Variants in TRPM8 observed in about 807,000 individuals in gnomAD.
TRPM8 encodes the protein transient receptor potential cation channel subfamily M member 8.
A neutral mutation model predicts 133.7 loss-of-function variants in TRPM8; 110 were observed. That is an observed-to-expected ratio of 0.82 (90% CI 0.70 to 0.96). The LOEUF (loss-of-function observed/expected upper bound fraction) is 0.96, where lower values mean the gene tolerates loss of function less well. TRPM8 is among the 40% of genes least tolerant of loss of function. TRPM8 has a pLI of 0.00. For synonymous variants in TRPM8, 535 were observed against 532.3 expected (o/e 1.01, Z -0.07); for missense variants, 1,291 against 1,379.5 (o/e 0.94, Z 1.02).
rs558947620 is a variant in TRPM8, at chr2:234,019,469, C to T, written c.*2213C>T. 5 of 152,278 alleles carry T rather than the reference C, an allele frequency of 3.3e-5. No individual in the cohort carries two copies. Among genetic ancestry groups the T allele is most frequent in the South Asian group, 2.1e-4 (1 of 4,820 alleles). The allele number at this position is 152,278 out of a possible 1,614,324, so 9.4% of individuals were successfully genotyped here. A position where few individuals can be genotyped will look rare whatever the true frequency, so the allele number is the denominator to read the frequency against. On this transcript the variant is annotated 3_prime_UTR_variant, in exon 26 of 26. Coordinates refer to ENST00000324695, the MANE Select transcript of TRPM8 (RefSeq NM_024080.5). Reference sequence around the variant, plus strand: ...GTGTACTTTTGCACAACTGAGAATCCTGCAGCTTGGTTTAATGAGTGTGTT... The same window carrying T: ...GTGTACTTTTGCACAACTGAGAATCTTGCAGCTTGGTTTAATGAGTGTGTT...
chr2:233,937,070 T>C lies in TRPM8; in HGVS notation c.192-283T>C, dbSNP rs998467016. Among the ~76,000 whole-genome samples, 14 of 151,942 alleles carry C rather than the reference T, an allele frequency of 9.2e-5. 1 individual carries two copies. The highest frequency in any genetic ancestry group is 2.9e-5 in the Non-Finnish European group (2 of 67,962). On this transcript the variant is annotated intron_variant, in intron 3 of 25. Coordinates refer to ENST00000324695, the MANE Select transcript of TRPM8 (RefSeq NM_024080.5). ...TGCCAACATGCCCAGCTGAGTTTTGTATTTTAGCAGAGATGGGGTTTCACC... is the reference window on the plus strand; with the variant it reads ...TGCCAACATGCCCAGCTGAGTTTTGCATTTTAGCAGAGATGGGGTTTCACC...
chr2:233,974,887 CAGAG>C lies in TRPM8; in HGVS notation c.2355+4472_2355+4475del, dbSNP rs368489444. 2.0e-5 allele frequency among the ~76,000 whole-genome samples: 3 copies of C among 149,426 alleles called. No homozygotes were observed. The Admixed American group carries it at 2.0e-4, about 10-fold the overall frequency. On this transcript the variant is annotated intron_variant, in intron 17 of 25. Transcript: ENST00000324695. ...AAATTAGCAGAGAGAGAGAGAGAGA[CAGAG>C]AGAGAGAGAGGCAGAGGAGAGAAAT...
At chr2:233,946,338 A>G in intron 7 of TRPM8, 1 of 245,496 alleles carries the variant, frequency 4.1e-6, no homozygotes, top group East Asian at 8.0e-5. Flanking sequence ...AACAAATACG[A>G]TCTACAATGA....
chr2:233,969,524 T>C (rs997763631), intron 15 of TRPM8, among the ~76,000 whole-genome samples, 171 bp from the exon 16 acceptor site: 2 of 151,988 alleles, frequency 1.3e-5, no homozygotes. Context: ...TAAATTGTTT[T>C]TTTTAACACT....
chr2:233,926,450 G>T, intron 1 of TRPM8, 83 bp from the exon 2 acceptor site: 1 of 1,037,608 alleles, frequency 9.6e-7, no homozygotes, highest in Non-Finnish European at 1.5e-6. Context: ...AGGGTGGAGG[G>T]AAAACGGCAT....
At chr2:233,943,463 C>T (rs1455561056) in intron 6 of TRPM8, among the ~76,000 whole-genome samples, 1 of 152,130 alleles carries the variant, frequency 6.6e-6, no homozygotes, top group East Asian at 1.9e-4. Context: ...CAAACTATTG[C>T]AAGGACAAAA....
At chr2:233,993,165 A>G (rs1490727527) in intron 21 of TRPM8, among the ~76,000 whole-genome samples, 7 of 152,214 alleles carry the variant, frequency 4.6e-5, no homozygotes, top group Non-Finnish European at 8.8e-5. Context: ...ATTAATGTCC[A>G]GTTATCAGCT....
At chr2:233,927,596 G>A (rs143380097) in intron 2 of TRPM8, among the ~76,000 whole-genome samples, 4 of 152,166 alleles carry the variant, frequency 2.6e-5, no homozygotes, top group African/African-American at 4.8e-5. Context: ...CTTTTCCAGC[G>A]TTTACCCCCT....
chr2:233,928,312 G>C (rs571854277), intron 2 of TRPM8, among the ~76,000 whole-genome samples: 4 of 152,112 alleles, frequency 2.6e-5, no homozygotes, highest in African/African-American at 9.7e-5. Flanking sequence ...CCTCCTGCTG[G>C]ATGGGTCTCC....
intron 22 of TRPM8, among the ~76,000 whole-genome samples, chr2:234,004,720 A>G (rs1480791101): frequency 2.0e-5 from 3 of 152,242 alleles, no homozygotes; most frequent in Non-Finnish European, 4.4e-5. Context: ...ACATTTGAAA[A>G]ATATAGAAAA....
chr2:233,928,000 C>T (rs527518152), intron 2 of TRPM8, among the ~76,000 whole-genome samples: 6 of 137,746 alleles, frequency 4.4e-5, no homozygotes, highest in East Asian at 4.2e-4. Flanking sequence ...GACGGAGTCT[C>T]GCTGTATCGC....
At chr2:233,985,406 C>T (rs1692120982) in intron 20 of TRPM8, among the ~76,000 whole-genome samples, 1 of 152,210 alleles carries the variant, frequency 6.6e-6, no homozygotes, top group Non-Finnish European at 1.5e-5. Flanking sequence ...TCTGCCTATC[C>T]AAAGAGGCTG....
intron 25 of TRPM8, among the ~76,000 whole-genome samples, chr2:234,016,523 G>A (rs1692959528): frequency 6.6e-6 from 1 of 152,166 alleles, no homozygotes; most frequent in Admixed American, 6.5e-5. Context: ...AGGGAAGACA[G>A]TGTCAGTCTC....
At chr2:233,951,795 T>G (rs1691177574) in intron 9 of TRPM8, among the ~76,000 whole-genome samples, 1 of 152,170 alleles carries the variant, frequency 6.6e-6, no homozygotes, top group African/African-American at 2.4e-5. Context: ...GGTTTTGCAG[T>G]TGGTACAGAT....
intron 17 of TRPM8, among the ~76,000 whole-genome samples, chr2:233,972,959 G>T (rs1559536216): frequency 6.6e-6 from 1 of 152,250 alleles, no homozygotes; most frequent in African/African-American, 2.4e-5. Flanking sequence ...TGCCGCCAAA[G>T]TGGGAGCCCA....
At chr2:234,001,771 G>A (rs553165813) in intron 22 of TRPM8, among the ~76,000 whole-genome samples, 1 of 152,358 alleles carries the variant, frequency 6.6e-6, no homozygotes, top group Non-Finnish European at 1.5e-5. Flanking sequence ...AAAGGCACAT[G>A]GGCTGGGCCT....
At chr2:233,927,482 A>G (rs527608035) in intron 2 of TRPM8, among the ~76,000 whole-genome samples, 37 of 152,274 alleles carry the variant, frequency 2.4e-4, no homozygotes, top group Admixed American at 1.0e-3. Context: ...CTGCCCCTGC[A>G]CTTGCATGCC....
chr2:233,947,071 C>G lies in TRPM8; in HGVS notation c.875-17C>G, dbSNP rs1009821986. ...TCTAATGAGCTCAAAATATGCTTTA[C>G]TTTTTATATTTTACAGATTCCAACT... On this transcript the variant is annotated splice_polypyrimidine_tract_variant and intron_variant, in intron 7 of 25. Coordinates refer to ENST00000324695, the MANE Select transcript of TRPM8 (RefSeq NM_024080.5). 3.8e-5 allele frequency: 62 copies of G among 1,612,336 alleles called. No homozygotes were observed. The highest frequency in any genetic ancestry group is 4.7e-5 in the Non-Finnish European group (55 of 1,178,716).
intron 24 of TRPM8, among the ~76,000 whole-genome samples, chr2:234,011,536 G>A (rs1443101521): frequency 6.6e-6 from 1 of 152,054 alleles, no homozygotes; most frequent in Non-Finnish European, 1.5e-5. Context: ...CATTGAATCT[G>A]TAGACTTCTT....
Sources: gnomAD v4.1 joint callset for allele counts (sites outside exome capture counted in the v4.1 genomes callset) on GRCh38, gnomAD v4.1.1 for gene constraint, MANE v1.5 for transcripts, NCBI Gene and HGNC (gene_info 2026-07-23, HGNC 2026-07-21) for gene names.